Variants in DLX2 observed in about 807,000 individuals in gnomAD.
The protein encoded by DLX2 is homeobox protein DLX-2.
Under a neutral mutation model 27.4 loss-of-function variants are expected in DLX2, and 8 were observed. That is an observed-to-expected ratio of 0.29 (90% confidence interval 0.17 to 0.53). The LOEUF (loss-of-function observed/expected upper bound fraction) is 0.53. DLX2 is among the 20% of genes least tolerant of loss of function. DLX2 has a pLI of 0.96. For synonymous variants in DLX2, 210 were observed against 200.8 expected (o/e 1.05, Z -0.39); for missense variants, 421 against 450.9 (o/e 0.93, Z 0.60).
Position 172,101,588 on chromosome 2 carries a change from C to G in DLX2, c.459G>C (p.Arg153=). The G allele has an allele frequency of 6.2e-7, 1 of 1,614,230 alleles. No homozygotes were observed. The highest frequency in any genetic ancestry group is 8.5e-7 in the Non-Finnish European group (1 of 1,180,040). ...RIVNGKPKKV[R]KPRTIYSSFQ... is the part of the protein sequence containing the mutation. ...AACTGGAGTAGATGGTGCGGGGTTT[C>G]CGGACTTTCTTTGGCTTCCCGTTCA... Residue 153 remains arginine (R), a synonymous_variant, in exon 2 of 3, where the codon CGG becomes CGC. Coordinates refer to ENST00000234198, the MANE Select transcript of DLX2 (RefSeq NM_004405.4).
Position 172,102,675 on chromosome 2 carries a change from GT to G in DLX2, c.-138del. The G allele has an allele frequency of 1.2e-6, 1 of 849,984 alleles. No individual in the cohort carries two copies. The highest frequency in any genetic ancestry group is 1.8e-6 in the Non-Finnish European group (1 of 566,210). 52.7% of individuals were successfully genotyped at this position (849,984 alleles called of 1,614,324 possible). A position where few individuals can be genotyped will look rare whatever the true frequency, so the allele number is the denominator to read the frequency against. ...TGGGGAAACAAGAAAGGAGGCAACC[GT>G]CTAGGCGCCTCCTCCTCCGGGGGAG... On this transcript the variant is annotated 5_prime_UTR_variant, in exon 1 of 3. Transcript: ENST00000234198.
chr2:172,102,553 G>A lies in DLX2; in HGVS notation c.-15C>T, dbSNP rs1559033029. Reference sequence around the variant, plus strand: ...ACTCCAGTCATCCTGGCCCGAGACGGGAAAGAGCAGAGGTGGCGGGCGTGC... The same window carrying A: ...ACTCCAGTCATCCTGGCCCGAGACGAGAAAGAGCAGAGGTGGCGGGCGTGC... On this transcript the variant is annotated 5_prime_UTR_variant, in exon 1 of 3. Transcript: ENST00000234198. 1.3e-6 allele frequency: 2 copies of A among 1,516,274 alleles called. No individual in the cohort carries two copies. The highest frequency in any genetic ancestry group is 2.2e-5 in the Admixed American group (1 of 44,446). 93.9% of individuals were successfully genotyped at this position (1,516,274 alleles called of 1,614,324 possible).
chr2:172,102,622 G>C lies in DLX2; in HGVS notation c.-84C>G, dbSNP rs1294992774. ...CCTCTGTCTCTCCCGGTCCCCTCCA[G>C]CAGCCAATGTAATTACGGGGGTGGT... On this transcript the variant is annotated 5_prime_UTR_variant, in exon 1 of 3. Coordinates refer to ENST00000234198, the MANE Select transcript of DLX2 (RefSeq NM_004405.4). 39 of 1,342,570 alleles carry C rather than the reference G, an allele frequency of 2.9e-5. No homozygotes were observed. The highest frequency in any genetic ancestry group is 3.8e-5 in the Non-Finnish European group (38 of 1,004,540). 83.2% of individuals were successfully genotyped at this position (1,342,570 alleles called of 1,614,324 possible).
Position 172,100,376 on chromosome 2 carries a change from G to T in DLX2, c.*167C>A. 1.5e-6 allele frequency: 1 copy of T among 681,122 alleles called. No homozygotes were observed. Among genetic ancestry groups the T allele is most frequent in the Non-Finnish European group, 2.2e-6 (1 of 453,018 alleles). The allele number at this position is 681,122 out of a possible 1,614,324, so 42.2% of individuals were successfully genotyped here. On this transcript the variant is annotated 3_prime_UTR_variant, in exon 3 of 3. Coordinates refer to ENST00000234198, the MANE Select transcript of DLX2 (RefSeq NM_004405.4). This position sits in a 1 kb window ranked among gnomAD's most constrained non-coding sequence, Gnocchi z 4.5. Reference sequence around the variant, plus strand: ...TCCGGTTCCCCCGAGAGAGGGGCCCGTTTGGTGGCCCCGGGAGTGAGCAGG... The same window carrying T: ...TCCGGTTCCCCCGAGAGAGGGGCCCTTTTGGTGGCCCCGGGAGTGAGCAGG...
chr2:172,100,826 A>C lies in DLX2; in HGVS notation c.704T>G (p.Val235Gly). ...SASPPCASPP[V>G]SAPASWDFGV... ...AAAGTCCCAGGAGGCCGGCGCTGAG[A>C]CTGGCGGCGAAGCACAAGGTGGAGA... Residue 235 changes from valine (V) to glycine (G), a missense_variant, in exon 3 of 3, where the codon GTC (valine) becomes GGC (glycine). By Grantham distance (109) the Val-to-Gly change is moderately radical. Coordinates refer to ENST00000234198, the MANE Select transcript of DLX2 (RefSeq NM_004405.4). This position sits in a 1 kb window ranked among gnomAD's most constrained non-coding sequence, Gnocchi z 4.5. 6.2e-7 allele frequency: 1 copy of C among 1,610,618 alleles called. No homozygotes were observed. Among genetic ancestry groups the C allele is most frequent in the Non-Finnish European group, 8.5e-7 (1 of 1,179,064 alleles).
At position 172,100,751 on chromosome 2, in the gene DLX2, C is replaced by A; in HGVS notation, c.779G>T (p.Ser260Ile). 1 of 1,555,510 alleles carries A rather than the reference C, an allele frequency of 6.4e-7. No individual in the cohort carries two copies. Among genetic ancestry groups the A allele is most frequent in the South Asian group, 1.2e-5 (1 of 85,916 alleles). The change falls in exon 3 of 3, where the codon AGC (serine) becomes ATC (isoleucine). Residue 260 changes from serine to isoleucine, a missense_variant. Around this residue, in one of 5 missense-constraint regions of DLX2, gnomAD observed 185 missense variants for 171.1 expected, o/e 1.08. Transcript: ENST00000234198. The surrounding 1 kb of genome is among the most constrained non-coding windows in gnomAD (Gnocchi z 4.5). ...AGGGGPGSGG[S>I]GAGSSGSSPS... The stretch of plus-strand genomic sequence containing the variant: ...GCTGGAGCCCGAGCTGCCGGCGCCG[C>A]TGCCGCCACTGCCCGGACCACCGCC...
chr2:172,100,573 G>T lies in DLX2; in HGVS notation c.957C>A (p.Gly319=). 1.3e-6 allele frequency: 2 copies of T among 1,576,486 alleles called. No individual in the cohort carries two copies. Among genetic ancestry groups the T allele is most frequent in the East Asian group, 2.4e-5 (1 of 41,590 alleles). The change falls in exon 3 of 3, where the codon GGC becomes GGA. Residue 319 remains glycine (G), a synonymous_variant. Transcript: ENST00000234198. The surrounding 1 kb of genome is among the most constrained non-coding windows in gnomAD (Gnocchi z 4.5). The stretch of plus-strand genomic sequence containing the variant: ...AAATCGTCCCCGCGCTCACCGGGGC[G>T]CCCCCGCCGCCGTGATGGTGGTGGT... ...HHHHHHHGGG[G]APVSAGTIF
In DLX2 at chr2:172,102,281, G is replaced by A. The variant is rs374388373; in HGVS notation, c.258C>T (p.His86=). The A allele has an allele frequency of 2.3e-5, 37 of 1,613,494 alleles. No homozygotes were observed. Among genetic ancestry groups the A allele is most frequent in the Non-Finnish European group, 3.1e-5 (36 of 1,179,880 alleles). Residue 86 remains histidine, a synonymous_variant, in exon 1 of 3, where the codon CAC becomes CAT. Transcript: ENST00000234198. ...GGGGGGSPYA[H]MGSYQYQASG... is the part of the protein sequence containing the mutation. ...TGGCTTGGTACTGGTAGGAACCCAT[G>A]TGCGCGTAGGGCGAGCCCCCGCCGC...
chr2:172,100,815 C>G lies in DLX2; in HGVS notation c.715G>C (p.Ala239Pro). Residue 239 changes from alanine (A) to proline (P), a missense_variant, in exon 3 of 3, where the codon GCC (alanine) becomes CCC (proline). By Grantham distance (27) the Ala-to-Pro change is conservative. Around this residue, in one of 5 missense-constraint regions of DLX2, gnomAD observed 185 missense variants for 171.1 expected, o/e 1.08. Coordinates refer to ENST00000234198, the MANE Select transcript of DLX2 (RefSeq NM_004405.4). This position sits in a 1 kb window ranked among gnomAD's most constrained non-coding sequence, Gnocchi z 4.5. ...TGCGGCACACCAAAGTCCCAGGAGG[C>G]CGGCGCTGAGACTGGCGGCGAAGCA... Reference protein sequence around the residue: ...PCASPPVSAPASWDFGVPQRM... With the variant: ...PCASPPVSAPPSWDFGVPQRM... 1 of 1,608,740 alleles carries G rather than the reference C, an allele frequency of 6.2e-7. No homozygotes were observed. The highest frequency in any genetic ancestry group is 8.5e-7 in the Non-Finnish European group (1 of 1,177,894).
rs1691187897 is a variant in DLX2, at chr2:172,102,699, G to A, written c.-161C>T. 2 of 680,148 alleles carry A rather than the reference G, an allele frequency of 2.9e-6. No individual in the cohort carries two copies. Among genetic ancestry groups the A allele is most frequent in the Non-Finnish European group, 4.8e-6 (2 of 417,252 alleles). 42.1% of individuals were successfully genotyped at this position (680,148 alleles called of 1,614,324 possible). On this transcript the variant is annotated 5_prime_UTR_variant, in exon 1 of 3. Coordinates refer to ENST00000234198, the MANE Select transcript of DLX2 (RefSeq NM_004405.4). ...CGTCTAGGCGCCTCCTCCTCCGGGG[G>A]AGGCGATCACCGTGCGCTGCTCGGG...
intron 1 of DLX2, 144 bp downstream of exon 1, chr2:172,101,995 G>T: frequency 7.3e-7 from 1 of 1,377,208 alleles, no homozygotes. Context: ...ATTGGAGGCT[G>T]GGGAGGGTAA....
chr2:172,102,031 C>A, intron 1 of DLX2, 108 bp downstream of exon 1: 1 of 1,507,174 alleles, frequency 6.6e-7, no homozygotes, highest in South Asian at 1.3e-5. Flanking sequence ...GGTGAGCAGG[C>A]AGCGTGAAAA....
intron 2 of DLX2, chr2:172,101,149 G>A (rs1331924936): frequency 3.1e-6 from 2 of 636,932 alleles, no homozygotes; most frequent in African/African-American, 1.8e-5. Flanking sequence ...AAAAGGCCAG[G>A]ACTGCTGGTG....
intron 2 of DLX2, 124 bp from the exon 3 acceptor site, chr2:172,101,068 G>C: frequency 9.7e-7 from 1 of 1,033,342 alleles, no homozygotes; most frequent in Non-Finnish European, 1.4e-6. Context: ...AGCGCCCTGG[G>C]GAGATAAGAG....
chr2:172,102,726 C>G lies in DLX2; in HGVS notation c.-188G>C. The G allele has an allele frequency of 1.7e-6, 1 of 574,824 alleles. No homozygotes were observed. Among genetic ancestry groups the G allele is most frequent in the Non-Finnish European group, 2.9e-6 (1 of 339,184 alleles). The allele number at this position is 574,824 out of a possible 1,614,324, so 35.6% of individuals were successfully genotyped here. Reference sequence around the variant, plus strand: ...GGCGATCACCGTGCGCTGCTCGGGACAGCTGCCTCTGGTCGCATCCTCTTT... The same window carrying G: ...GGCGATCACCGTGCGCTGCTCGGGAGAGCTGCCTCTGGTCGCATCCTCTTT... On this transcript the variant is annotated 5_prime_UTR_variant, in exon 1 of 3. Coordinates refer to ENST00000234198, the MANE Select transcript of DLX2 (RefSeq NM_004405.4).
Position 172,100,394 on chromosome 2 carries a change from T to C in DLX2, c.*149A>G. On this transcript the variant is annotated 3_prime_UTR_variant, in exon 3 of 3. Transcript: ENST00000234198. The surrounding 1 kb of genome is among the most constrained non-coding windows in gnomAD (Gnocchi z 4.5). ...GGGGCCCGTTTGGTGGCCCCGGGAG[T>C]GAGCAGGGCCTGAGACGGGCCACTG... The C allele has an allele frequency of 2.5e-6, 2 of 792,876 alleles. No homozygotes were observed. The highest frequency in any genetic ancestry group is 3.6e-6 in the Non-Finnish European group (2 of 560,728). 49.1% of individuals were successfully genotyped at this position (792,876 alleles called of 1,614,324 possible).
At chr2:172,101,172 G>C in intron 2 of DLX2, 1 of 617,412 alleles carries the variant, frequency 1.6e-6, no homozygotes, top group Non-Finnish European at 2.8e-6. Flanking sequence ...CGTGCACTGT[G>C]ATGATGGTGA....
At chr2:172,101,429 G>C (rs1272278720) in intron 2 of DLX2, 33 bp downstream of exon 2, 2 of 1,567,388 alleles carry the variant, frequency 1.3e-6, no homozygotes, top group Admixed American at 3.8e-5. Context: ...TCAGGCCCGC[G>C]CTCTCCTCGC....
At position 172,100,688 on chromosome 2, in the gene DLX2, G is replaced by T. The variant is rs1461281832; in HGVS notation, c.842C>A (p.Pro281His). The change falls in exon 3 of 3, where the codon CCC becomes CAC. Residue 281 changes from proline (P) to histidine (H), a missense_variant. This residue lies in a region of DLX2 where 185 missense variants were observed against 171.1 expected (regional missense o/e 1.08). Transcript: ENST00000234198. The surrounding 1 kb of genome is among the most constrained non-coding windows in gnomAD (Gnocchi z 4.5). The part of the protein sequence containing the change: ...SAASAFLGNY[P>H]WYHQTSGSAS... Reference sequence around the variant, plus strand: ...GGATCCCGAGGTCTGGTGGTACCAGGGGTAGTTGCCCAGAAAAGCCGAGGC... The same window carrying T: ...GGATCCCGAGGTCTGGTGGTACCAGTGGTAGTTGCCCAGAAAAGCCGAGGC... 3.2e-6 allele frequency: 5 copies of T among 1,552,162 alleles called. No homozygotes were observed. In the South Asian group the frequency reaches 3.7e-5, roughly 11 times the overall value.
Sources: gnomAD v4.1 joint callset for allele counts on GRCh38, gnomAD v4.1.1 for gene constraint, gnomAD v4.1.1 regional missense constraint, Gnocchi (gnomAD v3.1) non-coding constraint, MANE v1.5 for transcripts, NCBI Gene and HGNC (gene_info 2026-07-23, HGNC 2026-07-21) for gene names.